The following MECOM variants were observed in gnomAD, a reference collection of about 807,000 sequenced individuals.
MECOM encodes histone-lysine N-methyltransferase MECOM.
A neutral mutation model predicts 116.3 loss-of-function variants in MECOM; 13 were observed. The observed-to-expected ratio is 0.11, with a 90% CI of 0.07 to 0.18. MECOM has a LOEUF of 0.18. MECOM is among the 10% of genes least tolerant of loss of function. The pLI is 1.00. For missense variants in MECOM, 1,299 were observed against 1,509.0 expected (o/e 0.86, Z 2.31); for synonymous variants, 528 against 535.2 (o/e 0.99, Z 0.19).
intron 1 of MECOM, among the ~76,000 whole-genome samples, chr3:169,627,982 G>C (rs1163653930): frequency 2.0e-5 from 3 of 152,228 alleles, no homozygotes; most frequent in Non-Finnish European, 4.4e-5. Flanking sequence ...CATAAAGTCA[G>C]AGTCGGAGAA....
At position 169,455,120 on chromosome 3, in the gene MECOM, A is replaced by G. The variant is rs137961227; in HGVS notation, c.38-73596T>C. On this transcript the variant is annotated intron_variant, in intron 1 of 16. Transcript: ENST00000651503. ...ACAATCTAAGAAGGATGGGGAAAAA[A>G]AGAATTCAAATAGGCTAAGTGTCAT... Among the ~76,000 whole-genome samples the G allele has an allele frequency of 2.8e-4, 43 of 152,320 alleles. No individual in the cohort carries two copies. The East Asian group carries it at 3.9e-3, about 14-fold the overall frequency.
intron 1 of MECOM, among the ~76,000 whole-genome samples, chr3:169,502,613 T>TCTA (rs1378168567): frequency 6.6e-6 from 1 of 152,124 alleles, no homozygotes; most frequent in Admixed American, 6.5e-5. Context: ...TCTCATGACT[T>TCTA]CTAATTCAGT....
intron 2 of MECOM, among the ~76,000 whole-genome samples, chr3:169,360,947 A>G (rs189908158): frequency 6.6e-6 from 1 of 151,920 alleles, no homozygotes; most frequent in African/African-American, 2.4e-5. Context: ...ATACTTCTCC[A>G]TGCTAGAGAA....
At chr3:169,118,323 T>C (rs1026277559) in intron 7 of MECOM, among the ~76,000 whole-genome samples, 1 of 152,218 alleles carries the variant, frequency 6.6e-6, no homozygotes, top group African/African-American at 2.4e-5. Flanking sequence ...TTACAGAGGC[T>C]GTAACATGCA....
intron 2 of MECOM, among the ~76,000 whole-genome samples, chr3:169,308,678 T>C (rs1718161977): frequency 6.6e-6 from 1 of 152,254 alleles, no homozygotes; most frequent in Admixed American, 6.5e-5. Flanking sequence ...TATTATTTTT[T>C]ATCCAAATAA....
intron 2 of MECOM, among the ~76,000 whole-genome samples, chr3:169,156,294 G>A (rs1047020014): frequency 7.9e-5 from 12 of 152,138 alleles, no homozygotes; most frequent in Admixed American, 6.5e-4. Context: ...AGGCATCATC[G>A]TAGGTAATTA....
chr3:169,181,229 TG>T lies in MECOM; in HGVS notation c.376-37398del, dbSNP rs1745932912. ...TAACTACTTGACTTAACTGTCTTTC[TG>T]TAGATCTATCCAGACCTATGCTGCC... is the stretch of plus-strand genomic sequence containing the variant. On this transcript the variant is annotated intron_variant, in intron 2 of 16. Transcript: ENST00000651503. Among the ~76,000 whole-genome samples, 3 of 152,178 alleles carry T rather than the reference TG, an allele frequency of 2.0e-5. No individual in the cohort carries two copies. The South Asian group carries it at 6.2e-4, about 31-fold the overall frequency.
chr3:169,574,131 G>T (rs998107494), intron 1 of MECOM, among the ~76,000 whole-genome samples: 1 of 151,828 alleles, frequency 6.6e-6, no homozygotes, highest in Admixed American at 6.6e-5. Context: ...AAGATTTGAG[G>T]GCTACCTGAA....
At chr3:169,344,749 G>A (rs564420264) in intron 2 of MECOM, among the ~76,000 whole-genome samples, 20 of 152,290 alleles carry the variant, frequency 1.3e-4, no homozygotes, top group African/African-American at 3.8e-4. Flanking sequence ...CATAGTGAAC[G>A]GCCAAGGCCA....
chr3:169,381,340 G>GAT lies in MECOM; in HGVS notation c.220_221dup (p.Pro75SerfsTer19). On this transcript the variant is annotated frameshift_variant, in exon 2 of 17. Coordinates refer to ENST00000651503, the MANE Select transcript of MECOM (RefSeq NM_004991.4). LOFTEE classifies it high-confidence loss of function. ...GAAGTTCAAACTCAGCAGGAATGGG[G>GAT]ATATCATCAGGGATGTAGATGGGGG... 6.2e-7 allele frequency: 1 copy of GAT among 1,613,870 alleles called. No homozygotes were observed. Among genetic ancestry groups the GAT allele is most frequent in the Non-Finnish European group, 8.5e-7 (1 of 1,179,820 alleles).
intron 2 of MECOM, among the ~76,000 whole-genome samples, chr3:169,169,725 C>T (rs1223203424): frequency 6.6e-6 from 1 of 152,108 alleles, no homozygotes; most frequent in Non-Finnish European, 1.5e-5. Context: ...CCCTGAACTA[C>T]TTCAACTTCC....
intron 2 of MECOM, among the ~76,000 whole-genome samples, chr3:169,195,986 A>G (rs796135292): frequency 5.3e-5 from 8 of 152,148 alleles, no homozygotes; most frequent in African/African-American, 1.9e-4. Flanking sequence ...GTCTGCTGAA[A>G]CCAATATGCT....
chr3:169,636,940 C>T (rs1331790074), intron 1 of MECOM, among the ~76,000 whole-genome samples: 1 of 152,108 alleles, frequency 6.6e-6, no homozygotes, highest in East Asian at 1.9e-4. Context: ...CTGAAAATGC[C>T]ACCCTATCCA....
chr3:169,197,306 A>G (rs888319958), intron 2 of MECOM, among the ~76,000 whole-genome samples: 6 of 148,950 alleles, frequency 4.0e-5, no homozygotes, highest in African/African-American at 9.9e-5. Context: ...AGTACTCCTG[A>G]ACCTAAAAAT....
intron 2 of MECOM, among the ~76,000 whole-genome samples, chr3:169,149,967 GTGTGTGTGTGTCTGTCTGTC>G (rs1334788679): frequency 8.7e-5 from 13 of 149,322 alleles, no homozygotes; most frequent in Non-Finnish European, 1.5e-5. Context: ...GTGTGTGTGT[GTGTGTGTGTGTCTGTCTGTC>G]TGTCTGTCTG....
At chr3:169,551,196 C>G (rs16854075) in intron 1 of MECOM, among the ~76,000 whole-genome samples, 33,121 of 151,954 alleles carry the variant, frequency 0.22, 4,640 homozygotes, top group East Asian at 0.7. Context: ...ACTTGAGAGT[C>G]TCTTGATCCT....
intron 1 of MECOM, among the ~76,000 whole-genome samples, chr3:169,518,625 C>G: frequency 6.6e-6 from 1 of 152,116 alleles, no homozygotes; most frequent in East Asian, 1.9e-4. Flanking sequence ...GTTTCCTTGC[C>G]AGCTTCACAT....
intron 3 of MECOM, among the ~76,000 whole-genome samples, chr3:169,141,494 C>T (rs116747981): frequency 0.023 from 3,487 of 152,016 alleles, 53 homozygotes; most frequent in Middle Eastern, 0.054. Context: ...GCTCCTATTC[C>T]TCATGGAAAA....
At chr3:169,153,952 G>C (rs1741556772) in intron 2 of MECOM, among the ~76,000 whole-genome samples, 1 of 152,122 alleles carries the variant, frequency 6.6e-6, no homozygotes, top group South Asian at 2.1e-4. Flanking sequence ...CTATACTTTG[G>C]GGAACAGCAA....
Sources: gnomAD v4.1 joint callset for allele counts (sites outside exome capture counted in the v4.1 genomes callset) on GRCh38, gnomAD v4.1.1 for gene constraint, MANE v1.5 for transcripts, NCBI Gene and HGNC (gene_info 2026-07-23, HGNC 2026-07-21) for gene names.